The following MGAM variants were observed in gnomAD, a reference collection of about 807,000 sequenced individuals.
MGAM encodes the protein maltase-glucoamylase.
Under a neutral mutation model 358.8 loss-of-function variants are expected in MGAM, and 253 were observed. The ratio of observed to expected loss-of-function variants is 0.71; its 90% CI spans 0.64 to 0.78. MGAM has a LOEUF of 0.78. Among genes scored for constraint, MGAM ranks in the 30% least tolerant of loss-of-function variants. The pLI is 0.00. For missense variants in MGAM, 3,080 were observed against 3,432.6 expected (o/e 0.90, Z 2.57); for synonymous variants, 1,105 against 1,227.1 (o/e 0.90, Z 2.08).
At chr7:142,039,946 C>G (rs1274315835) in intron 19 of MGAM, among the ~76,000 whole-genome samples, 169 bp from the exon 20 acceptor site, 3 of 152,138 alleles carry the variant, frequency 2.0e-5, no homozygotes, top group Admixed American at 1.3e-4. Flanking sequence ...GGATTTCTCT[C>G]TGGGTTGCCA....
chr7:142,041,970 T>TA (rs1491585312), intron 21 of MGAM, among the ~76,000 whole-genome samples: 294 of 18,618 alleles, frequency 0.016, 12 homozygotes, highest in African/African-American at 0.052. Flanking sequence ...TATATATATA[T>TA]TATATATATA....
At chr7:142,043,129 A>T (rs1412151410) in intron 21 of MGAM, among the ~76,000 whole-genome samples, 1 of 8,256 alleles carries the variant, frequency 1.2e-4, no homozygotes, top group African/African-American at 4.1e-4. Context: ...TAATATATAT[A>T]TTATATATAC....
At chr7:142,053,643 A>T (rs575248352) in intron 26 of MGAM, among the ~76,000 whole-genome samples, 4 of 152,106 alleles carry the variant, frequency 2.6e-5, no homozygotes, top group Admixed American at 1.3e-4. Context: ...CTTCTCAAGG[A>T]CAGGAATGTG....
In MGAM at chr7:142,092,466, T is replaced by A. The variant is rs1815482204; in HGVS notation, c.6946-55T>A. ...ATTCACTGCTTCCTTGGCTCAGAATTGGCAGGACGTAATTATCTTAAAAAG... is the reference window on the plus strand; with the variant it reads ...ATTCACTGCTTCCTTGGCTCAGAATAGGCAGGACGTAATTATCTTAAAAAG... On this transcript the variant is annotated intron_variant, in intron 58 of 70. Coordinates refer to ENST00000475668, the MANE Select transcript of MGAM (RefSeq NM_001365693.1). The A allele has an allele frequency of 6.3e-6, 9 of 1,420,094 alleles. 1 individual carries two copies. The highest frequency in any genetic ancestry group is 7.8e-6 in the Non-Finnish European group (8 of 1,028,480). The allele number at this position is 1,420,094 out of a possible 1,614,324, so 88.0% of individuals were successfully genotyped here.
chr7:141,997,270 G>A (rs966693252), intron 1 of MGAM, among the ~76,000 whole-genome samples: 14 of 152,162 alleles, frequency 9.2e-5, no homozygotes, highest in African/African-American at 3.4e-4. Flanking sequence ...GTGTCCTGGT[G>A]TGGGACAGTA....
At chr7:142,097,401 T>TCA (rs1209003791) in intron 65 of MGAM, among the ~76,000 whole-genome samples, 192 bp from the exon 66 acceptor site, 1 of 152,168 alleles carries the variant, frequency 6.6e-6, no homozygotes, top group African/African-American at 2.4e-5. Flanking sequence ...AGCCACTTGT[T>TCA]TTGGGGTAGA....
Position 142,086,817 on chromosome 7 carries a change from C to T in MGAM, c.6810+100C>T. On this transcript the variant is annotated intron_variant, in intron 57 of 70. Coordinates refer to ENST00000475668, the MANE Select transcript of MGAM (RefSeq NM_001365693.1). ...GCCTGTACTGTGGACATGGGCTTGG[C>T]AAGGGAGAAACACTTAGGGCATGTG... 3.5e-6 allele frequency: 2 copies of T among 569,664 alleles called. 1 individual carries two copies. Among genetic ancestry groups the T allele is most frequent in the East Asian group, 6.9e-5 (2 of 28,788 alleles). 35.3% of individuals were successfully genotyped at this position (569,664 alleles called of 1,614,324 possible).
chr7:141,992,564 T>C (rs1803994000), upstream of MGAM, among the ~76,000 whole-genome samples: 1 of 152,156 alleles, frequency 6.6e-6, no homozygotes, highest in South Asian at 2.1e-4. Context: ...TGAGATCATG[T>C]AGGTGAAGGT....
At chr7:142,079,672 G>A (rs1042217427) in intron 49 of MGAM, among the ~76,000 whole-genome samples, 8 of 146,122 alleles carry the variant, frequency 5.5e-5, no homozygotes, top group African/African-American at 1.9e-4. Context: ...TCAAGGATAG[G>A]AATGTGCCCT....
At chr7:142,092,393 A>C in intron 58 of MGAM, 128 bp from the exon 59 acceptor site, 1 of 992,830 alleles carries the variant, frequency 1.0e-6, no homozygotes, top group African/African-American at 1.5e-5. Context: ...GATTTGATGA[A>C]GCTCCCAGGG....
Position 142,062,632 on chromosome 7 carries a change from G to A in MGAM, c.4187G>A (p.Arg1396Lys). Reference sequence around the variant, plus strand: ...AATTCAACTGCCAAGTGGTGGAAGAGGGAAATAGAAGAACTATACAACAAT... The same window carrying A: ...AATTCAACTGCCAAGTGGTGGAAGAAGGAAATAGAAGAACTATACAACAAT... Reference protein sequence around the residue: ...FRNSTAKWWKREIEELYNNPQ... With the variant: ...FRNSTAKWWKKEIEELYNNPQ... The change falls in exon 35 of 71, where the codon AGG becomes AAG. Residue 1396 changes from arginine (R) to lysine (K), a missense_variant. Physicochemically the swap from Arg to Lys is conservative, Grantham distance 26. Transcript: ENST00000475668. 1.2e-6 allele frequency: 2 copies of A among 1,612,834 alleles called. No homozygotes were observed. Among genetic ancestry groups the A allele is most frequent in the Non-Finnish European group, 1.7e-6 (2 of 1,179,106 alleles).
upstream of MGAM, among the ~76,000 whole-genome samples, chr7:141,992,998 A>G (rs1487596493): frequency 1.3e-5 from 2 of 152,240 alleles, no homozygotes; most frequent in Non-Finnish European, 2.9e-5. Context: ...CAGTGTTACC[A>G]CGGTGGTTGT....
At chr7:142,057,143 T>C (rs549986825) in intron 30 of MGAM, among the ~76,000 whole-genome samples, 69 of 152,264 alleles carry the variant, frequency 4.5e-4, no homozygotes, top group African/African-American at 1.6e-3. Flanking sequence ...ATAGCAGAAG[T>C]TATAGTGGTA....
chr7:141,987,867 C>A (rs1490264680), intron 2 of MGAM, among the ~76,000 whole-genome samples: 1 of 152,154 alleles, frequency 6.6e-6, no homozygotes, highest in African/African-American at 2.4e-5. Flanking sequence ...GACTTTAACC[C>A]CACCACTATA....
chr7:142,001,330 A>G (rs1290780718), intron 1 of MGAM, among the ~76,000 whole-genome samples: 1 of 152,180 alleles, frequency 6.6e-6, no homozygotes, highest in Non-Finnish European at 1.5e-5. Context: ...TATGAGAAGT[A>G]AGTCCTCTTA....
rs1472287479 is a variant in MGAM at position 142,022,296 on chromosome 7, T to C, written c.739T>C (p.Phe247Leu). The change falls in exon 7 of 71, where the codon TTT becomes CTT. Residue 247 changes from phenylalanine (F) to leucine (L), a missense_variant. Coordinates refer to ENST00000475668, the MANE Select transcript of MGAM (RefSeq NM_001365693.1). The part of the protein sequence containing the change: ...LFDSSIGPLL[F>L]ADQFLQLSTR... ...TGACTCGAGCATTGGGCCCCTACTG[T>C]TTGCTGACCAGTTCTTGCAGCTCTC... is the stretch of plus-strand genomic sequence containing the variant. 1 of 1,612,088 alleles carries C rather than the reference T, an allele frequency of 6.2e-7. No individual in the cohort carries two copies. The highest frequency in any genetic ancestry group is 1.3e-5 in the African/African-American group (1 of 74,808).
chr7:142,065,317 C>A lies in MGAM; in HGVS notation c.4485-18C>A. On this transcript the variant is annotated intron_variant, in intron 37 of 70. Transcript: ENST00000475668. The stretch of plus-strand genomic sequence containing the variant: ...CCTGGCTGTTGCCTCAGTTCACCTC[C>A]TGTTCCCTTCCAAGCAGAGCCGTGC... 6.2e-7 allele frequency: 1 copy of A among 1,602,822 alleles called. No homozygotes were observed. Among genetic ancestry groups the A allele is most frequent in the Non-Finnish European group, 8.5e-7 (1 of 1,175,380 alleles).
Position 142,099,722 on chromosome 7 carries a change from T to G in MGAM, c.7859T>G (p.Leu2620Arg), listed in dbSNP as rs1816282374. 6.2e-7 allele frequency: 1 copy of G among 1,613,860 alleles called. No homozygotes were observed. The highest frequency in any genetic ancestry group is 1.3e-5 in the African/African-American group (1 of 74,922). ...ATCCTGCCCTGGCAAGAGCCTGCAC[T>G]GAACACCCACTTAAGGTAAGTGACA... The part of the protein sequence containing the change: ...GYILPWQEPA[L>R]NTHLSRQKFM... Residue 2620 changes from leucine to arginine, a missense_variant, in exon 67 of 71, where the codon CTG becomes CGG. Physicochemically the swap from Leu to Arg is moderately radical, Grantham distance 102. Transcript: ENST00000475668.
intron 1 of MGAM, among the ~76,000 whole-genome samples, chr7:141,998,510 G>C (rs1460603677): frequency 2.0e-5 from 3 of 152,156 alleles, no homozygotes; most frequent in Non-Finnish European, 4.4e-5. Context: ...TGTAGTGTTT[G>C]GTTTTCTGTT....
Sources: allele counts gnomAD v4.1 joint callset (sites outside exome capture counted in the v4.1 genomes callset), GRCh38; gene constraint gnomAD v4.1.1; transcripts MANE v1.5; gene names NCBI Gene and HGNC (gene_info 2026-07-23, HGNC 2026-07-21).